ITGBL1: variants seen among roughly 807,000 people sequenced by gnomAD.
ITGBL1 encodes integrin subunit beta like 1, also known as integrin beta-like protein 1.
In ITGBL1, 51 loss-of-function variants were observed where a neutral mutation model predicts 68.5. The ratio of observed to expected loss-of-function variants is 0.74; its 90% CI spans 0.59 to 0.94. The LOEUF is 0.94. Ranked by LOEUF, ITGBL1 falls within the 40% of genes least tolerant of loss-of-function variation. The pLI is 0.00. For missense variants in ITGBL1, 649 were observed against 647.4 expected, an observed-to-expected ratio of 1.00 and a Z score of -0.03; for synonymous variants, 209 against 227.3, an observed-to-expected ratio of 0.92 and a Z score of 0.72.
chr13:101,642,677 C>T (rs375418808), intron 7 of ITGBL1, among the ~76,000 whole-genome samples: 19,285 of 147,824 alleles, frequency 0.13, 1,696 homozygotes, highest in African/African-American at 0.25. Context: ...GGTTTTCTTC[C>T]AGGGTTTTTA....
chr13:101,682,669 ATTAG>A (rs1299994733), intron 7 of ITGBL1, among the ~76,000 whole-genome samples: 4 of 151,924 alleles, frequency 2.6e-5, no homozygotes, highest in Non-Finnish European at 4.4e-5. Context: ...CTCATTTATT[ATTAG>A]TTATTTTTAT....
At chr13:101,491,693 G>A (rs2048780230) in intron 2 of ITGBL1, among the ~76,000 whole-genome samples, 1 of 152,072 alleles carries the variant, frequency 6.6e-6, no homozygotes, top group African/African-American at 2.4e-5. Flanking sequence ...TGTTACATAG[G>A]TATACACATG....
intron 2 of ITGBL1, among the ~76,000 whole-genome samples, chr13:101,508,018 C>T (rs2049053708): frequency 6.6e-6 from 1 of 152,156 alleles, no homozygotes; most frequent in South Asian, 2.1e-4. Context: ...TATTTCAAAT[C>T]TGAGTTCAAA....
chr13:101,606,124 A>G (rs1225179858), intron 7 of ITGBL1, among the ~76,000 whole-genome samples: 2 of 145,904 alleles, frequency 1.4e-5, no homozygotes, highest in East Asian at 2.0e-4. Context: ...ATATATATAT[A>G]TAGCCTTCAC....
At chr13:101,658,516 A>G (rs2032992886) in intron 7 of ITGBL1, among the ~76,000 whole-genome samples, 2 of 152,226 alleles carry the variant, frequency 1.3e-5, no homozygotes, top group African/African-American at 4.8e-5. Context: ...CAGTTAAATT[A>G]TAATCTAAAA....
intron 8 of ITGBL1, among the ~76,000 whole-genome samples, chr13:101,697,309 T>C (rs1566795322): frequency 6.6e-6 from 1 of 152,158 alleles, no homozygotes; most frequent in Non-Finnish European, 1.5e-5. Flanking sequence ...GAATAATATC[T>C]GATGACACTA....
At chr13:101,517,543 T>C (rs377143415) in intron 2 of ITGBL1, among the ~76,000 whole-genome samples, 6 of 152,254 alleles carry the variant, frequency 3.9e-5, no homozygotes, top group Admixed American at 3.3e-4. Context: ...GACTACACTA[T>C]GGGTTGAGAA....
chr13:101,636,171 A>G (rs1249734066), intron 7 of ITGBL1, among the ~76,000 whole-genome samples: 5 of 152,070 alleles, frequency 3.3e-5, no homozygotes. Context: ...ATGTTGGTCA[A>G]CAGATTCCTA....
chr13:101,458,244 T>C (rs1035479898), intron 2 of ITGBL1, among the ~76,000 whole-genome samples: 1 of 152,198 alleles, frequency 6.6e-6, no homozygotes, highest in Admixed American at 6.5e-5. Flanking sequence ...TAAAAGTTCT[T>C]GAGAAAGAGG....
chr13:101,685,799 T>G (rs560744249), intron 7 of ITGBL1, among the ~76,000 whole-genome samples: 1 of 147,148 alleles, frequency 6.8e-6, no homozygotes, highest in South Asian at 2.1e-4. Flanking sequence ...GGCTGAGCCA[T>G]GGGGCAATCC....
chr13:101,473,395 G>A (rs2048490225), intron 2 of ITGBL1, among the ~76,000 whole-genome samples: 1 of 152,144 alleles, frequency 6.6e-6, no homozygotes, highest in Non-Finnish European at 1.5e-5. Flanking sequence ...ACTCAGTTTT[G>A]CCCTGTACAG....
chr13:101,480,822 G>T (rs1461242328), intron 2 of ITGBL1, among the ~76,000 whole-genome samples: 1 of 152,008 alleles, frequency 6.6e-6, no homozygotes, highest in Non-Finnish European at 1.5e-5. Context: ...AAATGAGCAT[G>T]ATGTTGACTG....
At chr13:101,456,739 C>T (rs1351518044) in intron 2 of ITGBL1, among the ~76,000 whole-genome samples, 1 of 152,130 alleles carries the variant, frequency 6.6e-6, no homozygotes, top group Admixed American at 6.6e-5. Context: ...CATGGTGAAA[C>T]ACCATCCCTA....
intron 2 of ITGBL1, among the ~76,000 whole-genome samples, chr13:101,526,521 A>G (rs1205017295): frequency 6.6e-6 from 1 of 152,110 alleles, no homozygotes; most frequent in Non-Finnish European, 1.5e-5. Flanking sequence ...GGATGAGTTC[A>G]TGTCCTTTTC....
intron 2 of ITGBL1, among the ~76,000 whole-genome samples, chr13:101,559,067 A>G (rs2050058496): frequency 6.6e-6 from 1 of 152,206 alleles, no homozygotes. Flanking sequence ...AAAACCCCCT[A>G]ATTTTAGTAG....
At chr13:101,678,022 TTATA>T (rs1003462054) in intron 7 of ITGBL1, among the ~76,000 whole-genome samples, 4 of 152,234 alleles carry the variant, frequency 2.6e-5, no homozygotes, top group Admixed American at 6.5e-5. Flanking sequence ...ACTACATAAA[TTATA>T]TATAGTTTTA....
chr13:101,481,150 A>G (rs946866609), intron 2 of ITGBL1, among the ~76,000 whole-genome samples: 1 of 148,350 alleles, frequency 6.7e-6, no homozygotes, highest in Non-Finnish European at 1.5e-5. Flanking sequence ...ATATATGTAT[A>G]TATATATATA....
At chr13:101,605,604 A>C (rs1329388338) in intron 7 of ITGBL1, among the ~76,000 whole-genome samples, 1 of 150,544 alleles carries the variant, frequency 6.6e-6, no homozygotes, top group African/African-American at 2.4e-5. Context: ...GTACGTGTGT[A>C]TATGCGTATA....
At chr13:101,613,909 C>G (rs1340234170) in intron 7 of ITGBL1, among the ~76,000 whole-genome samples, 2 of 152,084 alleles carry the variant, frequency 1.3e-5, no homozygotes, top group African/African-American at 4.8e-5. Flanking sequence ...GGAGGATGGA[C>G]ACTTTAGTTT....
Sources: allele counts gnomAD v4.1 joint callset (sites outside exome capture counted in the v4.1 genomes callset), GRCh38; gene constraint gnomAD v4.1.1; transcripts MANE v1.5; gene names NCBI Gene and HGNC (gene_info 2026-07-23, HGNC 2026-07-21).